Variants in NPEPPS observed in about 807,000 individuals in gnomAD.
NPEPPS encodes the protein aminopeptidase puromycin sensitive.
A neutral mutation model predicts 115.5 loss-of-function variants in NPEPPS; 14 were observed. The ratio of observed to expected loss-of-function variants is 0.12; its 90% CI spans 0.08 to 0.19. The LOEUF is 0.19. NPEPPS is among the 10% of genes least tolerant of loss of function. The pLI, the probability that NPEPPS is intolerant of heterozygous loss-of-function variation, is 1.00. For missense variants in NPEPPS, 523 were observed against 1,110.8 expected (o/e 0.47, Z 7.52); for synonymous variants, 285 against 390.6 (o/e 0.73, Z 3.19).
In NPEPPS at chr17:47,586,155, C is replaced by T; in HGVS notation, c.857C>T (p.Ala286Val). 2.2e-6 allele frequency: 2 copies of T among 902,998 alleles called. No homozygotes were observed. The highest frequency in any genetic ancestry group is 1.5e-6 in the Non-Finnish European group (1 of 654,208). 55.9% of individuals were successfully genotyped at this position (902,998 alleles called of 1,614,324 possible). A position where few individuals can be genotyped will look rare whatever the true frequency, so the allele number is the denominator to read the frequency against. Reference sequence around the variant, plus strand: ...TTGTTTATACTTTTATAGGTTGCTGCTAAAACCTTGCCTTTTTATAAGGAC... The same window carrying T: ...TTGTTTATACTTTTATAGGTTGCTGTTAAAACCTTGCCTTTTTATAAGGAC... ...EQGKFALEVAAKTLPFYKDYF... is the reference protein window; with the variant it reads ...EQGKFALEVAVKTLPFYKDYF... Residue 286 changes from alanine (A) to valine (V), a missense_variant, in exon 7 of 23, where the codon GCT (alanine) becomes GTT (valine). This residue lies in a region of NPEPPS where 144 missense variants were observed against 512.4 expected (regional missense o/e 0.28). Coordinates refer to ENST00000322157, the MANE Select transcript of NPEPPS (RefSeq NM_006310.4).
intron 2 of NPEPPS, among the ~76,000 whole-genome samples, chr17:47,559,341 C>T (rs1300009472): frequency 1.3e-5 from 2 of 152,072 alleles, no homozygotes; most frequent in Non-Finnish European, 2.9e-5. Context: ...TGTGCCTGGC[C>T]TGTTTTTTCT....
intron 13 of NPEPPS, among the ~76,000 whole-genome samples, chr17:47,596,743 G>A (rs560326063): frequency 5.3e-5 from 8 of 152,286 alleles, no homozygotes; most frequent in Admixed American, 3.3e-4. Flanking sequence ...TGCAAGGTTG[G>A]TTTAACATTT....
rs1256966539 is a variant in NPEPPS at position 47,550,006 on chromosome 17, C to T, written c.340+4013C>T. Among the ~76,000 whole-genome samples the T allele has an allele frequency of 1.5e-4, 23 of 150,200 alleles. 1 individual carries two copies. In the East Asian group the frequency reaches 1.8e-3, roughly 12 times the overall value. Reference sequence around the variant, plus strand: ...CTGGAGTGCAGTGGCGCAGTCTCGGCTCACTGCAAGCTCTGCCTCCCGGGT... The same window carrying T: ...CTGGAGTGCAGTGGCGCAGTCTCGGTTCACTGCAAGCTCTGCCTCCCGGGT... On this transcript the variant is annotated intron_variant, in intron 2 of 22. Coordinates refer to ENST00000322157, the MANE Select transcript of NPEPPS (RefSeq NM_006310.4).
intron 4 of NPEPPS, chr17:47,582,187 A>G (rs1468633870): frequency 1.3e-5 from 2 of 154,030 alleles, no homozygotes; most frequent in South Asian, 2.0e-4. Context: ...AAGTAGGTCA[A>G]GTGGCGACAG....
At chr17:47,595,981 C>CAA (rs34457526) in intron 12 of NPEPPS, 189 of 38,204 alleles carry the variant, frequency 4.9e-3, no homozygotes, top group Middle Eastern at 0.015. Context: ...GACTCCATCT[C>CAA]AAAAAAAAAA....
intron 17 of NPEPPS, among the ~76,000 whole-genome samples, chr17:47,608,620 C>G (rs1429408471): frequency 6.6e-6 from 1 of 152,030 alleles, no homozygotes; most frequent in East Asian, 1.9e-4. Flanking sequence ...AAAAACAAAA[C>G]AAAACTGGAT....
At position 47,531,498 on chromosome 17, in the gene NPEPPS, C is replaced by T. The variant is rs1409375672; in HGVS notation, c.198C>T (p.Cys66=). Reference sequence around the variant, plus strand: ...TCTCCCCCATCAACTACAGCCTTTGCCTCAAGCCCGACTTGCTGGACTTCA... The same window carrying T: ...TCTCCCCCATCAACTACAGCCTTTGTCTCAAGCCCGACTTGCTGGACTTCA... The part of the protein sequence containing the change: ...ADVSPINYSL[C]LKPDLLDFTF... The change falls in exon 1 of 23, where the codon TGC becomes TGT. Residue 66 remains cysteine, a synonymous_variant. Transcript: ENST00000322157. 1.2e-6 allele frequency: 2 copies of T among 1,608,730 alleles called. No individual in the cohort carries two copies. Among genetic ancestry groups the T allele is most frequent in the South Asian group, 1.1e-5 (1 of 90,530 alleles).
At position 47,619,039 on chromosome 17, in the gene NPEPPS, G is replaced by T; in HGVS notation, c.2434G>T (p.Val812Leu). ...GGTACGTCCACAGGACACTGTATCG[G>T]TAATTGGTGGAGTAGCTGGAGGCAG... is the stretch of plus-strand genomic sequence containing the variant. Reference protein sequence around the residue: ...EEVRPQDTVSVIGGVAGGSKH... With the variant: ...EEVRPQDTVSLIGGVAGGSKH... Residue 812 changes from valine to leucine, a missense_variant, in exon 21 of 23, where the codon GTA (valine) becomes TTA (leucine). Transcript: ENST00000322157. The T allele has an allele frequency of 6.2e-7, 1 of 1,613,982 alleles. No individual in the cohort carries two copies. The highest frequency in any genetic ancestry group is 8.5e-7 in the Non-Finnish European group (1 of 1,179,888).
chr17:47,621,519 G>C (rs549057237), intron 22 of NPEPPS, among the ~76,000 whole-genome samples: 1 of 152,256 alleles, frequency 6.6e-6, no homozygotes, highest in South Asian at 2.1e-4. Flanking sequence ...TAGCCTAAAA[G>C]AAAGGCAGTA....
intron 2 of NPEPPS, among the ~76,000 whole-genome samples, chr17:47,558,277 G>A (rs1240123187): frequency 4.6e-5 from 7 of 151,902 alleles, no homozygotes; most frequent in African/African-American, 1.7e-4. Context: ...ACAGGCTTGT[G>A]CCACCATTCC....
In NPEPPS at chr17:47,616,556, C is replaced by T. The variant is rs1360811022; in HGVS notation, c.2296-1794C>T. 3.3e-5 allele frequency among the ~76,000 whole-genome samples: 5 copies of T among 151,676 alleles called. No individual in the cohort carries two copies. The East Asian group carries it at 9.7e-4, about 29-fold the overall frequency. On this transcript the variant is annotated intron_variant, in intron 19 of 22. Coordinates refer to ENST00000322157, the MANE Select transcript of NPEPPS (RefSeq NM_006310.4). ...AAAATTCGCCGGGTGTGGTGGCGGGCGCCTGTAGTCCCAGCTACTCAGGAG... is the reference window on the plus strand; with the variant it reads ...AAAATTCGCCGGGTGTGGTGGCGGGTGCCTGTAGTCCCAGCTACTCAGGAG...
intron 1 of NPEPPS, among the ~76,000 whole-genome samples, chr17:47,541,663 T>C (rs1908776645): frequency 2.6e-5 from 4 of 152,064 alleles, no homozygotes; most frequent in Admixed American, 2.0e-4. Flanking sequence ...GCATGAGCCG[T>C]CGTGCCCAGC....
intron 1 of NPEPPS, among the ~76,000 whole-genome samples, chr17:47,524,090 G>A (rs1276989207): frequency 2.0e-5 from 3 of 151,062 alleles, no homozygotes; most frequent in African/African-American, 7.3e-5. Flanking sequence ...TGGATCACCC[G>A]AGGTTAGGAG....
intron 2 of NPEPPS, among the ~76,000 whole-genome samples, chr17:47,564,799 G>A (rs1910691295): frequency 6.6e-6 from 1 of 151,916 alleles, no homozygotes; most frequent in Non-Finnish European, 1.5e-5. Flanking sequence ...AACAGTTCCA[G>A]AGCAAATATT....
Position 47,623,275 on chromosome 17 carries a change from G to C in NPEPPS, c.*1355G>C, listed in dbSNP as rs1046158769. 1.2e-5 allele frequency: 2 copies of C among 168,466 alleles called. No individual in the cohort carries two copies. The highest frequency in any genetic ancestry group is 4.8e-5 in the African/African-American group (2 of 41,482). The allele number at this position is 168,466 out of a possible 1,614,324, so 10.4% of individuals were successfully genotyped here. On this transcript the variant is annotated 3_prime_UTR_variant, in exon 23 of 23. Coordinates refer to ENST00000322157, the MANE Select transcript of NPEPPS (RefSeq NM_006310.4). ...TTAATAAAAATGTCAATGTGAAACT[G>C]ATGTCCTGATTCACTTTATTCTCTT...
chr17:47,562,997 T>C (rs1428715186), intron 2 of NPEPPS, among the ~76,000 whole-genome samples: 4 of 151,600 alleles, frequency 2.6e-5, no homozygotes, highest in African/African-American at 9.7e-5. Context: ...TTGCTTATGG[T>C]CATTTTATAA....
intron 1 of NPEPPS, among the ~76,000 whole-genome samples, chr17:47,538,572 A>C (rs1455964384): frequency 8.4e-6 from 1 of 119,732 alleles, no homozygotes. Context: ...CTCTGTCGCC[A>C]AGGCCGGAGT....
chr17:47,602,100 C>G, intron 15 of NPEPPS: 2 of 218,320 alleles, frequency 9.2e-6, no homozygotes, highest in Non-Finnish European at 1.8e-5. Context: ...CATATGTGTA[C>G]TACTGTAATC....
rs1909453496 is a variant in NPEPPS at position 47,549,186 on chromosome 17, T to TA, written c.340+3200dup. On this transcript the variant is annotated intron_variant, in intron 2 of 22. Transcript: ENST00000322157. ...GGTGAAACCCCATCTCTACTAAAAATAAAAAAATTAGCTGGGTGTGGTGGC... is the reference window on the plus strand; with the variant it reads ...GGTGAAACCCCATCTCTACTAAAAATAAAAAAAATTAGCTGGGTGTGGTGGC... Among the ~76,000 whole-genome samples the TA allele has an allele frequency of 1.3e-5, 2 of 150,894 alleles. 1 individual carries two copies. The highest frequency in any genetic ancestry group is 4.9e-5 in the African/African-American group (2 of 41,036).
Sources: allele counts gnomAD v4.1 joint callset (sites outside exome capture counted in the v4.1 genomes callset), GRCh38; gene constraint gnomAD v4.1.1; regional missense constraint gnomAD v4.1.1; transcripts MANE v1.5; gene names NCBI Gene and HGNC (gene_info 2026-07-23, HGNC 2026-07-21).